EVC: variants seen among roughly 807,000 people sequenced by gnomAD.
EVC encodes EvC ciliary complex subunit 1, also known as evC complex member EVC.
In EVC, 116 loss-of-function variants were observed where a neutral mutation model predicts 118.9. The ratio of observed to expected loss-of-function variants is 0.98; its 90% confidence interval spans 0.84 to 1.14. The LOEUF (loss-of-function observed/expected upper bound fraction) is 1.14. Ranked by LOEUF, EVC falls within the 50% of genes most tolerant of loss-of-function variation. The probability of loss-of-function intolerance (pLI) is 0.00; values close to 1 mark genes in which losing one functional copy is unlikely to be tolerated. For synonymous variants in EVC, 619 were observed against 534.7 expected, an observed-to-expected ratio of 1.16 and a Z score of -2.18; for missense variants, 1,401 against 1,246.4, an observed-to-expected ratio of 1.12 and a Z score of -1.87.
chr4:5,807,118 C>G (rs1577658800), intron 17 of EVC, among the ~76,000 whole-genome samples: 1 of 152,312 alleles, frequency 6.6e-6, no homozygotes, highest in East Asian at 1.9e-4. Flanking sequence ...ACTGTCCACC[C>G]TCCTTCCTGC....
intron 11 of EVC, among the ~76,000 whole-genome samples, chr4:5,781,924 A>G (rs1412207475): frequency 1.3e-5 from 2 of 152,174 alleles, no homozygotes; most frequent in South Asian, 2.1e-4. Context: ...CTTTATGAAC[A>G]TGATATGCAG....
In EVC at chr4:5,736,731, G is replaced by T. The variant is rs1727753356; in HGVS notation, c.702+3296G>T. On this transcript the variant is annotated intron_variant, in intron 5 of 20. Coordinates refer to ENST00000264956, the MANE Select transcript of EVC (RefSeq NM_153717.3). ...TAATTGTTTGGGGACACCACATGCT[G>T]TGCCAGTATGAGACAACAAACTTAA... Among the ~76,000 whole-genome samples the T allele has an allele frequency of 2.0e-5, 3 of 152,172 alleles. No individual in the cohort carries two copies. In the South Asian group the frequency reaches 6.2e-4, roughly 32 times the overall value.
intron 12 of EVC, among the ~76,000 whole-genome samples, chr4:5,790,964 G>A (rs1221541370): frequency 1.3e-5 from 2 of 151,894 alleles, no homozygotes; most frequent in Non-Finnish European, 2.9e-5. Flanking sequence ...GCGTGGTGGC[G>A]GGTGCCTGTA....
chr4:5,715,602 TC>T (rs1300944338), intron 1 of EVC, among the ~76,000 whole-genome samples: 1 of 152,108 alleles, frequency 6.6e-6, no homozygotes, highest in Non-Finnish European at 1.5e-5. Flanking sequence ...AGTAGCTTTT[TC>T]AAAAAGGGAT....
In EVC at chr4:5,762,096, C is replaced by T. The variant is rs1185275504; in HGVS notation, c.1563+5734C>T. Among the ~76,000 whole-genome samples the T allele has an allele frequency of 2.8e-5, 4 of 141,264 alleles. No homozygotes were observed. In the Admixed American group the frequency reaches 2.9e-4, roughly 10 times the overall value. The allele number at this position is 141,264 out of a possible 152,430, so 92.7% of individuals were successfully genotyped here. A position where few individuals can be genotyped will look rare whatever the true frequency, so the allele number is the denominator to read the frequency against. On this transcript the variant is annotated intron_variant, in intron 11 of 20. Transcript: ENST00000264956. The stretch of plus-strand genomic sequence containing the variant: ...TCCCCAGAGTGTGATGTTCCCCTTC[C>T]TGTGTCCATGAGTTCTCATTGTTCA...
At chr4:5,824,235 G>C in the EVC span, 1 of 949,642 alleles carries the variant, frequency 1.1e-6, no homozygotes, top group Non-Finnish European at 1.3e-6. Flanking sequence ...CACCCAGATA[G>C]CTTTTTCCCA....
intron 5 of EVC, among the ~76,000 whole-genome samples, chr4:5,736,161 T>C (rs1174680840): frequency 6.6e-6 from 1 of 151,912 alleles, no homozygotes; most frequent in Non-Finnish European, 1.5e-5. Context: ...ATTGGGGGCA[T>C]GGAGGAAGAT....
intron 1 of EVC, among the ~76,000 whole-genome samples, chr4:5,718,865 T>C (rs1560273274): frequency 1.3e-5 from 2 of 152,228 alleles, no homozygotes; most frequent in Non-Finnish European, 2.9e-5. Flanking sequence ...AGGAAAATTA[T>C]ATGCATGTGC....
At chr4:5,780,205 C>G (rs531783381) in intron 11 of EVC, among the ~76,000 whole-genome samples, 4 of 152,280 alleles carry the variant, frequency 2.6e-5, no homozygotes, top group Middle Eastern at 3.4e-3. Context: ...CCGAATCCAG[C>G]AGCACATCAA....
intron 13 of EVC, among the ~76,000 whole-genome samples, chr4:5,795,703 C>CCA (rs1244749390): frequency 6.6e-6 from 1 of 152,180 alleles, no homozygotes; most frequent in Non-Finnish European, 1.5e-5. Flanking sequence ...TAGGCTCGGA[C>CCA]CAGGGACACC....
At chr4:5,772,395 T>G (rs528735471) in intron 11 of EVC, among the ~76,000 whole-genome samples, 71 of 152,154 alleles carry the variant, frequency 4.7e-4, no homozygotes, top group Non-Finnish European at 8.7e-4. Flanking sequence ...TGGGCCCATT[T>G]CAGCTGCATA....
At chr4:5,720,706 CG>C (rs997459799) in intron 2 of EVC, among the ~76,000 whole-genome samples, 4 of 152,096 alleles carry the variant, frequency 2.6e-5, no homozygotes, top group African/African-American at 9.7e-5. Flanking sequence ...CCAACGTGGA[CG>C]GGGGGAGAGA....
chr4:5,726,810 G>C (rs1300406769), intron 2 of EVC, among the ~76,000 whole-genome samples: 2 of 145,498 alleles, frequency 1.4e-5, no homozygotes, highest in Non-Finnish European at 3.0e-5. Context: ...CTATGAGTGA[G>C]AATATGCGGT....
Position 5,731,550 on chromosome 4 carries a change from C to G in EVC, c.510C>G (p.Asp170Glu). ...SLGSLSQGEK[D>E]DCSSSSSVHS... Reference sequence around the variant, plus strand: ...GGAGCCTGAGCCAGGGTGAGAAGGACGACTGCAGCTCCTCATCCAGCGTCC... The same window carrying G: ...GGAGCCTGAGCCAGGGTGAGAAGGAGGACTGCAGCTCCTCATCCAGCGTCC... Residue 170 changes from aspartate (D) to glutamate (E), a missense_variant, in exon 4 of 21, where the codon GAC becomes GAG. Transcript: ENST00000264956. This position sits in a 1 kb window ranked among gnomAD's most constrained non-coding sequence, Gnocchi z 5.6. 1 of 1,614,088 alleles carries G rather than the reference C, an allele frequency of 6.2e-7. No individual in the cohort carries two copies. Among genetic ancestry groups the G allele is most frequent in the Non-Finnish European group, 8.5e-7 (1 of 1,180,014 alleles).
intron 1 of EVC, among the ~76,000 whole-genome samples, chr4:5,716,568 G>A (rs1723995514): frequency 6.6e-6 from 1 of 152,138 alleles, no homozygotes; most frequent in African/African-American, 2.4e-5. Context: ...TCCTCAGAGT[G>A]GATCCATTGG....
At chr4:5,792,112 AAC>A (rs977700425) in intron 12 of EVC, among the ~76,000 whole-genome samples, 9 of 78,574 alleles carry the variant, frequency 1.1e-4, no homozygotes, top group African/African-American at 2.7e-4. Flanking sequence ...AAAAGAGAAA[AAC>A]ATTGGGAAGA....
intron 11 of EVC, among the ~76,000 whole-genome samples, chr4:5,775,708 G>C (rs542682974): frequency 3.7e-4 from 57 of 152,230 alleles, no homozygotes; most frequent in African/African-American, 1.3e-3. Context: ...GAGTCTTCTT[G>C]TGTTAGCCTA....
chr4:5,799,372 C>T (rs1253661533), intron 15 of EVC, among the ~76,000 whole-genome samples: 1 of 152,208 alleles, frequency 6.6e-6, no homozygotes, highest in Non-Finnish European at 1.5e-5. Context: ...GTGCTTCTTC[C>T]TACCTCGTCT....
At position 5,810,375 on chromosome 4, in the gene EVC, C is replaced by T. The variant is rs772929452; in HGVS notation, c.2819C>T (p.Pro940Leu). Residue 940 changes from proline to leucine, a missense_variant, in exon 20 of 21, where the codon CCC (proline) becomes CTC (leucine). Coordinates refer to ENST00000264956, the MANE Select transcript of EVC (RefSeq NM_153717.3). ...PLRTKRKKPL[P>L]QERGDLGVPN... is the part of the protein sequence containing the mutation. ...AGGACTAAAAGGAAGAAGCCCCTGC[C>T]CCAGGAAAGAGGGGACCTGGGGGTG... The T allele has an allele frequency of 1.2e-6, 2 of 1,613,774 alleles. No homozygotes were observed. The highest frequency in any genetic ancestry group is 2.7e-5 in the African/African-American group (2 of 74,910).
Sources: gnomAD v4.1 joint callset for allele counts (sites outside exome capture counted in the v4.1 genomes callset) on GRCh38, gnomAD v4.1.1 for gene constraint, Gnocchi (gnomAD v3.1) non-coding constraint, MANE v1.5 for transcripts, NCBI Gene and HGNC (gene_info 2026-07-23, HGNC 2026-07-21) for gene names.